Variants in KDM4B observed in about 807,000 individuals in gnomAD.
KDM4B encodes the protein lysine demethylase 4B.
In KDM4B, 32 loss-of-function variants were observed where a neutral mutation model predicts 125.2. The ratio of observed to expected loss-of-function variants is 0.26; its 90% CI spans 0.19 to 0.34. The LOEUF is 0.34. KDM4B is among the 10% of genes least tolerant of loss of function. The pLI is 1.00. For missense variants in KDM4B, 1,190 were observed against 1,577.7 expected, an observed-to-expected ratio of 0.75 and a Z score of 4.16; for synonymous variants, 721 against 677.9, an observed-to-expected ratio of 1.06 and a Z score of -0.99.
At chr19:5,036,961 G>A (rs1411577035) in intron 3 of KDM4B, among the ~76,000 whole-genome samples, 1 of 152,220 alleles carries the variant, frequency 6.6e-6, no homozygotes, top group East Asian at 1.9e-4. Context: ...TGTGTGCGGC[G>A]CAGACACCGT....
intron 9 of KDM4B, among the ~76,000 whole-genome samples, chr19:5,085,973 G>T (rs746194371): frequency 6.6e-6 from 1 of 152,174 alleles, no homozygotes; most frequent in African/African-American, 2.4e-5. Context: ...TTCAGATCTT[G>T]TGTGCAGCCA....
At chr19:5,091,890 G>A (rs972451592) in intron 9 of KDM4B, among the ~76,000 whole-genome samples, 2 of 151,258 alleles carry the variant, frequency 1.3e-5, no homozygotes, top group Non-Finnish European at 3.0e-5. Flanking sequence ...TGGCGTTGTG[G>A]GGCTGGACGC....
intron 9 of KDM4B, among the ~76,000 whole-genome samples, chr19:5,087,179 C>T (rs150717816): frequency 1.3e-4 from 20 of 152,380 alleles, no homozygotes; most frequent in African/African-American, 3.6e-4. Flanking sequence ...CGTGGGCACA[C>T]GGAGGCCATT....
intron 15 of KDM4B, among the ~76,000 whole-genome samples, chr19:5,136,930 G>A (rs890385346): frequency 6.6e-6 from 1 of 152,200 alleles, no homozygotes; most frequent in Non-Finnish European, 1.5e-5. Context: ...TGTTGGGGGT[G>A]CAGACACCCA....
intron 1 of KDM4B, among the ~76,000 whole-genome samples, chr19:5,005,232 G>A (rs1232046757): frequency 6.6e-6 from 1 of 151,568 alleles, no homozygotes; most frequent in East Asian, 1.9e-4. Flanking sequence ...TGGTGGCCAG[G>A]TGGCACAAGT....
chr19:5,022,221 A>C (rs965958883), intron 2 of KDM4B, among the ~76,000 whole-genome samples: 2 of 151,992 alleles, frequency 1.3e-5, no homozygotes, highest in East Asian at 3.9e-4. Flanking sequence ...TGATAGTCCT[A>C]TGTTCCCTCT....
In KDM4B at chr19:5,142,536, C is replaced by T. The variant is rs967035314; in HGVS notation, c.2551-1431C>T. 1.2e-4 allele frequency among the ~76,000 whole-genome samples: 19 copies of T among 152,106 alleles called. No homozygotes were observed. Among genetic ancestry groups the T allele is most frequent in the Admixed American group, 1.1e-3 (17 of 15,280 alleles). ...GGAAGGGGATGGTGCTGGGCACCAG[C>T]CTGCCCCGGGGCTGGGTTTCTCCTG... is the stretch of plus-strand genomic sequence containing the variant. On this transcript the variant is annotated intron_variant, in intron 18 of 22. Coordinates refer to ENST00000159111, the MANE Select transcript of KDM4B (RefSeq NM_015015.3). This position sits in a 1 kb window ranked among gnomAD's most constrained non-coding sequence, Gnocchi z 5.4.
chr19:5,063,533 A>G (rs965055953), intron 6 of KDM4B, among the ~76,000 whole-genome samples: 4 of 152,184 alleles, frequency 2.6e-5, no homozygotes, highest in Admixed American at 2.6e-4. Context: ...GACATCTGTG[A>G]CCTGGTCTCT....
chr19:5,139,674 G>A (rs894417099), intron 18 of KDM4B, among the ~76,000 whole-genome samples: 4 of 152,210 alleles, frequency 2.6e-5, no homozygotes, highest in Admixed American at 6.5e-5. Flanking sequence ...GGTCAGTGAC[G>A]CTGGGCATCT....
chr19:5,027,046 C>T (rs994647516), intron 2 of KDM4B, among the ~76,000 whole-genome samples: 5 of 152,206 alleles, frequency 3.3e-5, no homozygotes, highest in South Asian at 2.1e-4. Flanking sequence ...GAGGCCTTCA[C>T]GGCACCCCGA....
chr19:5,041,896 C>T (rs1222467264), intron 5 of KDM4B, among the ~76,000 whole-genome samples: 3 of 152,250 alleles, frequency 2.0e-5, no homozygotes, highest in Non-Finnish European at 2.9e-5. Context: ...TGGCTCTGCC[C>T]TGCTTAGTGG....
chr19:5,088,665 TC>T (rs35143112), intron 9 of KDM4B, among the ~76,000 whole-genome samples: 6,221 of 103,806 alleles, frequency 0.06, 292 homozygotes, highest in African/African-American at 0.21. Flanking sequence ...GCCCCCCCCC[TC>T]CCCCCCCCCG....
chr19:4,987,923 G>T (rs2034896089), intron 1 of KDM4B, among the ~76,000 whole-genome samples: 1 of 152,160 alleles, frequency 6.6e-6, no homozygotes, highest in African/African-American at 2.4e-5. Context: ...AATGTGGAGT[G>T]GGGAGATCAC....
chr19:4,972,032 T>C (rs1176222144), intron 1 of KDM4B, among the ~76,000 whole-genome samples: 1 of 152,216 alleles, frequency 6.6e-6, no homozygotes, highest in Non-Finnish European at 1.5e-5. Flanking sequence ...CCTAGGCTCC[T>C]GGCTCAGCTC....
rs371634712 is a variant in KDM4B at position 5,130,841 on chromosome 19, G to A, written c.1316-235G>A. ...TCACAGGCCTTGGCAGGCAAGTGCC[G>A]CTGCTGCGCCTGCGTTGTGGGGAGA... On this transcript the variant is annotated intron_variant, in intron 11 of 22. Coordinates refer to ENST00000159111, the MANE Select transcript of KDM4B (RefSeq NM_015015.3). Among the ~76,000 whole-genome samples the A allele has an allele frequency of 1.5e-4, 23 of 152,360 alleles. No individual in the cohort carries two copies. The South Asian group carries it at 3.3e-3, about 22-fold the overall frequency.
chr19:5,115,243 A>G lies in KDM4B; in HGVS notation c.1116-4410A>G, dbSNP rs2039232310. Among the ~76,000 whole-genome samples, 1 of 152,098 alleles carries G rather than the reference A, an allele frequency of 6.6e-6. No homozygotes were observed. The highest frequency in any genetic ancestry group is 1.5e-5 in the Non-Finnish European group (1 of 67,988). Reference sequence around the variant, plus strand: ...ATGTACCACGGGGCCTCAGAAAGACACAGCGGGCAAACATGGGCAGCCCCT... The same window carrying G: ...ATGTACCACGGGGCCTCAGAAAGACGCAGCGGGCAAACATGGGCAGCCCCT... On this transcript the variant is annotated intron_variant, in intron 10 of 22. Transcript: ENST00000159111. The surrounding 1 kb of genome is among the most constrained non-coding windows in gnomAD (Gnocchi z 4.2).
chr19:5,090,637 G>A (rs1348110050), intron 9 of KDM4B, among the ~76,000 whole-genome samples: 10 of 101,718 alleles, frequency 9.8e-5, no homozygotes, highest in Middle Eastern at 4.1e-3. Context: ...GCGCGCGTGC[G>A]CCCCCCTCCG....
At chr19:5,118,599 G>T (rs906315518) in intron 10 of KDM4B, among the ~76,000 whole-genome samples, 1 of 152,122 alleles carries the variant, frequency 6.6e-6, no homozygotes, top group Admixed American at 6.5e-5. Flanking sequence ...CACCCCCTCC[G>T]CATCTCCAAA....
In KDM4B at chr19:5,047,389, A is replaced by G. The variant is rs958857322; in HGVS notation, c.433-87A>G. ...AGGAGGATGGGCAGCGACCCCTGGG[A>G]CTCTGGGGAGAATTAGCCTGCACCC... On this transcript the variant is annotated intron_variant, in intron 5 of 22. Coordinates refer to ENST00000159111, the MANE Select transcript of KDM4B (RefSeq NM_015015.3). 3.9e-6 allele frequency: 5 copies of G among 1,281,434 alleles called. No individual in the cohort carries two copies. In the African/African-American group the frequency reaches 7.5e-5, roughly 19 times the overall value. 79.4% of individuals were successfully genotyped at this position (1,281,434 alleles called of 1,614,324 possible).
Sources: gnomAD v4.1 joint callset for allele counts (sites outside exome capture counted in the v4.1 genomes callset) on GRCh38, gnomAD v4.1.1 for gene constraint, Gnocchi (gnomAD v3.1) non-coding constraint, MANE v1.5 for transcripts, NCBI Gene and HGNC (gene_info 2026-07-23, HGNC 2026-07-21) for gene names.